Variants in TBC1D5 observed in about 807,000 individuals in gnomAD.
TBC1D5 encodes TBC1 domain family member 5, also known as TBC1 domain family, member 5.
In TBC1D5, 75 loss-of-function variants were observed where a neutral mutation model predicts 100.3. The observed-to-expected ratio is 0.75, with a 90% CI of 0.62 to 0.91. TBC1D5 has a LOEUF of 0.91. TBC1D5 is among the 40% of genes least tolerant of loss of function. The pLI is 0.00. For missense variants in TBC1D5, 910 were observed against 942.4 expected (o/e 0.97, Z 0.45); for synonymous variants, 323 against 325.6 (o/e 0.99, Z 0.09).
intron 4 of TBC1D5, among the ~76,000 whole-genome samples, chr3:17,416,377 T>G (rs1209742362): frequency 6.6e-6 from 1 of 152,204 alleles, no homozygotes; most frequent in Non-Finnish European, 1.5e-5. Flanking sequence ...AATCCAAATT[T>G]AAATAGCTTC....
At chr3:17,172,638 T>C (rs141867268) in intron 19 of TBC1D5, among the ~76,000 whole-genome samples, 1 of 152,316 alleles carries the variant, frequency 6.6e-6, no homozygotes, top group Non-Finnish European at 1.5e-5. Flanking sequence ...TCTGTGGAAA[T>C]TACACACAAA....
chr3:17,246,112 G>A (rs2076715380), intron 16 of TBC1D5, among the ~76,000 whole-genome samples: 1 of 152,092 alleles, frequency 6.6e-6, no homozygotes, highest in African/African-American at 2.4e-5. Flanking sequence ...TGGTTTGAAG[G>A]TAGGGGTACA....
At chr3:17,371,705 C>T (rs1397897567) in intron 13 of TBC1D5, among the ~76,000 whole-genome samples, 3 of 152,104 alleles carry the variant, frequency 2.0e-5, no homozygotes, top group African/African-American at 7.2e-5. Context: ...GATCCGAGCA[C>T]ATAGAAATTT....
At chr3:17,358,513 T>A (rs1316065920) in intron 13 of TBC1D5, among the ~76,000 whole-genome samples, 3 of 152,146 alleles carry the variant, frequency 2.0e-5, no homozygotes, top group African/African-American at 7.2e-5. Context: ...CTATTTTTAA[T>A]TGTTTAGGTC....
In TBC1D5 at chr3:17,169,610, T is replaced by C. The variant is rs1048441912; in HGVS notation, c.1853-1782A>G. 3.3e-5 allele frequency among the ~76,000 whole-genome samples: 5 copies of C among 152,220 alleles called. No homozygotes were observed. In the East Asian group the frequency reaches 7.7e-4, roughly 23 times the overall value. On this transcript the variant is annotated intron_variant, in intron 19 of 21. Transcript: ENST00000253692. Reference sequence around the variant, plus strand: ...AACAAGAAAGCAAGTTGAATGGGAATGGAATGACAGATATAATTAGAGAGC... The same window carrying C: ...AACAAGAAAGCAAGTTGAATGGGAACGGAATGACAGATATAATTAGAGAGC...
chr3:17,672,328 G>C (rs1258879459), intron 1 of TBC1D5, among the ~76,000 whole-genome samples: 1 of 151,992 alleles, frequency 6.6e-6, no homozygotes, highest in Non-Finnish European at 1.5e-5. Context: ...TACAAAATAA[G>C]AATGTATTTT....
At chr3:17,507,388 G>A (rs1229081195) in intron 3 of TBC1D5, among the ~76,000 whole-genome samples, 8 of 151,980 alleles carry the variant, frequency 5.3e-5, no homozygotes, top group African/African-American at 1.9e-4. Flanking sequence ...AAATAAGCTG[G>A]ACAAATTCTC....
At chr3:17,163,043 G>C (rs1043221326) in intron 21 of TBC1D5, among the ~76,000 whole-genome samples, 2 of 152,196 alleles carry the variant, frequency 1.3e-5, no homozygotes, top group Non-Finnish European at 2.9e-5. Context: ...GAGATACTGA[G>C]ATCACTTATT....
chr3:17,314,498 C>G (rs1181080102), intron 13 of TBC1D5, among the ~76,000 whole-genome samples: 1 of 152,108 alleles, frequency 6.6e-6, no homozygotes, highest in Non-Finnish European at 1.5e-5. Flanking sequence ...TTCCTGAACT[C>G]TAGTTCCCTG....
intron 3 of TBC1D5, among the ~76,000 whole-genome samples, chr3:17,481,699 T>C (rs1377126278): frequency 6.6e-6 from 1 of 152,268 alleles, no homozygotes; most frequent in Non-Finnish European, 1.5e-5. Context: ...TAAAAATGTA[T>C]TGTATTAAAA....
At chr3:17,551,503 C>T (rs957321153) in intron 2 of TBC1D5, among the ~76,000 whole-genome samples, 2 of 152,094 alleles carry the variant, frequency 1.3e-5, no homozygotes, top group Non-Finnish European at 2.9e-5. Flanking sequence ...TCTCATTTTA[C>T]AACATGAGCA....
At chr3:17,364,725 T>C (rs2091989255) in intron 13 of TBC1D5, among the ~76,000 whole-genome samples, 1 of 152,204 alleles carries the variant, frequency 6.6e-6, no homozygotes, top group Non-Finnish European at 1.5e-5. Flanking sequence ...AGCTTTGTCA[T>C]CATCTATTAT....
intron 15 of TBC1D5, 137 bp downstream of exon 15, chr3:17,291,758 A>ATAT: frequency 1.3e-6 from 1 of 748,636 alleles, no homozygotes; most frequent in East Asian, 2.8e-5. Flanking sequence ...TTTGGCCTAC[A>ATAT]ACTTTAGGCA....
chr3:17,706,439 A>ACG (rs895681509), intron 1 of TBC1D5, among the ~76,000 whole-genome samples: 23 of 125,806 alleles, frequency 1.8e-4, no homozygotes, highest in African/African-American at 6.0e-4. Context: ...ACACACACAC[A>ACG]CGCGCGCGCA....
At chr3:17,178,219 C>T (rs2068032516) in intron 19 of TBC1D5, among the ~76,000 whole-genome samples, 1 of 152,202 alleles carries the variant, frequency 6.6e-6, no homozygotes, top group South Asian at 2.1e-4. Flanking sequence ...GCGCCCACCA[C>T]CACGCCTGGC....
intron 3 of TBC1D5, among the ~76,000 whole-genome samples, chr3:17,482,680 G>A (rs2095514764): frequency 6.6e-6 from 1 of 152,178 alleles, no homozygotes; most frequent in African/African-American, 2.4e-5. Flanking sequence ...GTTTACCAGT[G>A]TGTATTTATT....
At chr3:17,366,285 C>A (rs1171119494) in intron 13 of TBC1D5, among the ~76,000 whole-genome samples, 3 of 151,574 alleles carry the variant, frequency 2.0e-5, no homozygotes, top group Non-Finnish European at 2.9e-5. Flanking sequence ...GAGCGAGACC[C>A]CCTCTCAAAC....
intron 2 of TBC1D5, among the ~76,000 whole-genome samples, chr3:17,571,703 G>A (rs2096628360): frequency 6.6e-6 from 1 of 151,884 alleles, no homozygotes; most frequent in Admixed American, 6.6e-5. Context: ...CTAATTTCCT[G>A]AAGGCAGAAT....
chr3:17,587,877 T>G (rs1406677135), intron 2 of TBC1D5, among the ~76,000 whole-genome samples: 3 of 152,022 alleles, frequency 2.0e-5, no homozygotes, highest in Non-Finnish European at 1.5e-5. Flanking sequence ...TACAGACCAT[T>G]TTTATTCTCT....
Sources: gnomAD v4.1 joint callset for allele counts (sites outside exome capture counted in the v4.1 genomes callset) on GRCh38, gnomAD v4.1.1 for gene constraint, MANE v1.5 for transcripts, NCBI Gene and HGNC (gene_info 2026-07-23, HGNC 2026-07-21) for gene names.